Variants in XKR6 observed in about 807,000 individuals in gnomAD.
The protein encoded by XKR6 is XK related 6, also known as XK-related protein 6.
In XKR6, 22 loss-of-function variants were observed where a neutral mutation model predicts 56.7. That is an observed-to-expected ratio of 0.39 (90% CI 0.28 to 0.55). The LOEUF is 0.55. Among genes scored for constraint, XKR6 ranks in the 20% least tolerant of loss-of-function variants. The pLI is 0.66. For missense variants in XKR6, 852 were observed against 889.0 expected, an observed-to-expected ratio of 0.96 and a Z score of 0.53; for synonymous variants, 524 against 387.8, an observed-to-expected ratio of 1.35 and a Z score of -4.13.
chr8:11,040,907 GT>G (rs1412447984), intron 1 of XKR6, among the ~76,000 whole-genome samples: 1 of 152,162 alleles, frequency 6.6e-6, no homozygotes, highest in Non-Finnish European at 1.5e-5. Flanking sequence ...CCAAATCTCA[GT>G]TTGGGGGCCT....
At position 10,898,592 on chromosome 8, in the gene XKR6, C is replaced by G; in HGVS notation, c.1286G>C (p.Cys429Ser). 1.9e-6 allele frequency: 3 copies of G among 1,614,132 alleles called. No homozygotes were observed. The highest frequency in any genetic ancestry group is 2.5e-6 in the Non-Finnish European group (3 of 1,180,026). Residue 429 changes from cysteine to serine, a missense_variant, in exon 3 of 3, where the codon TGC becomes TCC. Around this residue, in one of 4 missense-constraint regions of XKR6, gnomAD observed 199 missense variants for 280.4 expected, o/e 0.71. Coordinates refer to ENST00000416569, the MANE Select transcript of XKR6 (RefSeq NM_173683.4). The surrounding 1 kb of genome is among the most constrained non-coding windows in gnomAD (Gnocchi z 6.6). ...NMVVGIVYIFCWFNVKEGRTR... is the reference protein window; with the variant it reads ...NMVVGIVYIFSWFNVKEGRTR... ...CCGCCCTTCCTTGACGTTAAACCAG[C>G]AGAAAATGTACACGATCCCTACCAC...
chr8:10,983,947 G>A (rs1472369095), intron 1 of XKR6, among the ~76,000 whole-genome samples: 3 of 152,080 alleles, frequency 2.0e-5, no homozygotes, highest in Non-Finnish European at 2.9e-5. Context: ...GAGCCACTGC[G>A]CCCGGCCTTA....
rs117845954 is a variant in XKR6 at position 11,158,502 on chromosome 8, G to A, written c.764+42074C>T. On this transcript the variant is annotated intron_variant, in intron 1 of 2. Transcript: ENST00000416569. ...TTCAGGAGCTGTGCCTAGAAACTTCGCCTTGAGTTTCTTTAGCTTTCCCAA... is the reference window on the plus strand; with the variant it reads ...TTCAGGAGCTGTGCCTAGAAACTTCACCTTGAGTTTCTTTAGCTTTCCCAA... 9.1e-3 allele frequency among the ~76,000 whole-genome samples: 1,388 copies of A among 152,206 alleles called. 9 individuals are homozygous for A. Among genetic ancestry groups the A allele is most frequent in the Non-Finnish European group, 0.014 (952 of 68,026 alleles).
chr8:11,091,978 C>T (rs921450353), intron 1 of XKR6, among the ~76,000 whole-genome samples: 39 of 152,096 alleles, frequency 2.6e-4, no homozygotes, highest in African/African-American at 9.4e-4. Flanking sequence ...ATGCAAAAAC[C>T]CTGCGGTTCA....
intron 2 of XKR6, among the ~76,000 whole-genome samples, chr8:10,914,970 C>CCTCCTGCA (rs1202486717): frequency 6.6e-6 from 1 of 152,212 alleles, no homozygotes; most frequent in African/African-American, 2.4e-5. Flanking sequence ...GGCCGCCTCC[C>CCTCCTGCA]CTCCTGCACA....
At position 11,191,598 on chromosome 8, in the gene XKR6, A is replaced by C. The variant is rs371931339; in HGVS notation, c.764+8978T>G. ...CTAGATGCAACTTCAAGTTTACTAG[A>C]AATACAGAGTGCAAACGACACCTGC... On this transcript the variant is annotated intron_variant, in intron 1 of 2. Transcript: ENST00000416569. Among the ~76,000 whole-genome samples, 4 of 152,172 alleles carry C rather than the reference A, an allele frequency of 2.6e-5. No homozygotes were observed. The East Asian group carries it at 7.7e-4, about 29-fold the overall frequency.
chr8:11,179,316 G>C (rs1802845726), intron 1 of XKR6, among the ~76,000 whole-genome samples: 1 of 152,158 alleles, frequency 6.6e-6, no homozygotes, highest in South Asian at 2.1e-4. Flanking sequence ...CAATTTTCTA[G>C]TGGGTAATAC....
intron 1 of XKR6, among the ~76,000 whole-genome samples, chr8:11,140,770 C>T (rs71518512): frequency 0.23 from 34,107 of 151,522 alleles, 4,516 homozygotes; most frequent in Non-Finnish European, 0.3. Context: ...TGGTGGTGGG[C>T]GCCTGTAGTC....
chr8:10,950,889 T>G (rs1424674431), intron 1 of XKR6, among the ~76,000 whole-genome samples: 4 of 152,196 alleles, frequency 2.6e-5, no homozygotes, highest in Admixed American at 6.5e-5. Flanking sequence ...GCACAGGTAC[T>G]GTCACTACAT....
At chr8:11,022,272 T>C (rs1480946605) in intron 1 of XKR6, among the ~76,000 whole-genome samples, 1 of 152,014 alleles carries the variant, frequency 6.6e-6, no homozygotes, top group East Asian at 1.9e-4. Flanking sequence ...TTAGCATCCC[T>C]GGGAAAGGTG....
Position 11,201,386 on chromosome 8 carries a change from G to A in XKR6, c.-47C>T, listed in dbSNP as rs766528629. The stretch of plus-strand genomic sequence containing the variant: ...GGAGGTTGGGGGGGAGGGACGGCGG[G>A]GGGGGGGGGAAGAAGGCAGGGAACG... On this transcript the variant is annotated 5_prime_UTR_variant, in exon 1 of 3. Coordinates refer to ENST00000416569, the MANE Select transcript of XKR6 (RefSeq NM_173683.4). The A allele has an allele frequency of 9.4e-6, 10 of 1,065,942 alleles. No individual in the cohort carries two copies. Among genetic ancestry groups the A allele is most frequent in the Admixed American group, 3.3e-5 (1 of 30,116 alleles). The allele number at this position is 1,065,942 out of a possible 1,614,324, so 66.0% of individuals were successfully genotyped here.
intron 1 of XKR6, among the ~76,000 whole-genome samples, chr8:11,158,176 C>A (rs562948926): frequency 6.6e-6 from 1 of 152,096 alleles, no homozygotes; most frequent in African/African-American, 2.4e-5. Context: ...AATAATCAAT[C>A]GTCAGCCATA....
chr8:11,174,725 G>A (rs1802571246), intron 1 of XKR6, among the ~76,000 whole-genome samples: 1 of 152,014 alleles, frequency 6.6e-6, no homozygotes, highest in African/African-American at 2.4e-5. Flanking sequence ...CAGATGCCCT[G>A]CCCTTCGCAC....
At chr8:11,174,497 C>G (rs1211353472) in intron 1 of XKR6, among the ~76,000 whole-genome samples, 1 of 152,204 alleles carries the variant, frequency 6.6e-6, no homozygotes. Flanking sequence ...TGCCTAAATA[C>G]TATTTTCCAG....
At chr8:11,017,459 G>A (rs1798651712) in intron 1 of XKR6, among the ~76,000 whole-genome samples, 2 of 152,268 alleles carry the variant, frequency 1.3e-5, no homozygotes, top group Non-Finnish European at 2.9e-5. Flanking sequence ...GCTGGCTGCA[G>A]GCAGTTTGAG....
chr8:11,013,900 T>C lies in XKR6; in HGVS notation c.765-89070A>G, dbSNP rs548573260. ...AGCCCACCTGTACCGGAGCCCCTCATGGGAGGGTCCCTGTGAAGCCACCAA... is the reference window on the plus strand; with the variant it reads ...AGCCCACCTGTACCGGAGCCCCTCACGGGAGGGTCCCTGTGAAGCCACCAA... On this transcript the variant is annotated intron_variant, in intron 1 of 2. Coordinates refer to ENST00000416569, the MANE Select transcript of XKR6 (RefSeq NM_173683.4). 3.3e-5 allele frequency among the ~76,000 whole-genome samples: 5 copies of C among 152,346 alleles called. No individual in the cohort carries two copies. In the East Asian group the frequency reaches 9.7e-4, roughly 29 times the overall value.
chr8:11,168,316 T>C (rs899072043), intron 1 of XKR6, among the ~76,000 whole-genome samples: 7 of 152,216 alleles, frequency 4.6e-5, no homozygotes, highest in Admixed American at 3.3e-4. Context: ...AGAAGGATAC[T>C]ATATTTGATT....
intron 1 of XKR6, among the ~76,000 whole-genome samples, chr8:11,028,164 C>G (rs1467410392): frequency 1.3e-5 from 2 of 152,170 alleles, no homozygotes; most frequent in Non-Finnish European, 2.9e-5. Context: ...GATATTTACT[C>G]TCTTTATAGT....
At chr8:10,918,206 TC>T (rs546589847) in intron 2 of XKR6, among the ~76,000 whole-genome samples, 357 of 152,224 alleles carry the variant, frequency 2.3e-3, no homozygotes, top group Non-Finnish European at 3.7e-3. Context: ...AGCTGGAGGG[TC>T]CTTGTCCTAG....
Sources: allele counts gnomAD v4.1 joint callset (sites outside exome capture counted in the v4.1 genomes callset), GRCh38; gene constraint gnomAD v4.1.1; regional missense constraint gnomAD v4.1.1; non-coding constraint Gnocchi (gnomAD v3.1); transcripts MANE v1.5; gene names NCBI Gene and HGNC (gene_info 2026-07-23, HGNC 2026-07-21).